KLHL1: variants seen among roughly 807,000 people sequenced by gnomAD.
KLHL1 encodes the protein kelch-like protein 1.
A neutral mutation model predicts 77.7 loss-of-function variants in KLHL1; 47 were observed. The observed-to-expected ratio is 0.60, with a 90% CI of 0.48 to 0.77. The LOEUF (loss-of-function observed/expected upper bound fraction) is 0.77, where lower values mean the gene tolerates loss of function less well. Among genes scored for constraint, KLHL1 ranks in the 30% least tolerant of loss-of-function variants. The pLI is 0.00. For synonymous variants in KLHL1, 360 were observed against 325.2 expected, an observed-to-expected ratio of 1.11 and a Z score of -1.15; for missense variants, 925 against 910.8, an observed-to-expected ratio of 1.02 and a Z score of -0.20.
intron 7 of KLHL1, among the ~76,000 whole-genome samples, chr13:69,774,486 C>G (rs1593816226): frequency 6.6e-6 from 1 of 151,930 alleles, no homozygotes; most frequent in Non-Finnish European, 1.5e-5. Context: ...GCCATATCCT[C>G]TCTCTCTTCT....
chr13:69,813,910 T>C (rs941755142), intron 6 of KLHL1, among the ~76,000 whole-genome samples: 1 of 152,158 alleles, frequency 6.6e-6, no homozygotes, highest in Non-Finnish European at 1.5e-5. Flanking sequence ...AAAATTCATA[T>C]GGAACCAAAA....
chr13:69,782,994 G>T (rs1053041801), intron 7 of KLHL1, among the ~76,000 whole-genome samples: 5 of 152,190 alleles, frequency 3.3e-5, no homozygotes, highest in Admixed American at 6.5e-5. Flanking sequence ...AGCAGCATTT[G>T]CGGTTCACCA....
At chr13:69,883,759 A>G (rs1328953844) in intron 4 of KLHL1, among the ~76,000 whole-genome samples, 1 of 152,230 alleles carries the variant, frequency 6.6e-6, no homozygotes, top group East Asian at 1.9e-4. Flanking sequence ...TTTTAACAAC[A>G]TATTTTAAAA....
chr13:70,055,793 C>T (rs1180056512), intron 1 of KLHL1, among the ~76,000 whole-genome samples: 1 of 151,404 alleles, frequency 6.6e-6, no homozygotes, highest in African/African-American at 2.4e-5. Flanking sequence ...ACATTGTAAC[C>T]TCAAATAAAA....
chr13:69,851,879 T>C (rs1237979711), intron 5 of KLHL1, among the ~76,000 whole-genome samples: 1 of 151,880 alleles, frequency 6.6e-6, no homozygotes, highest in Non-Finnish European at 1.5e-5. Flanking sequence ...CTACTAGTAG[T>C]CAGATAGTTT....
intron 1 of KLHL1, among the ~76,000 whole-genome samples, chr13:70,027,665 T>TTTTTTTTTTTTTTTTTTTTTTA (rs57773730): frequency 6.6e-6 from 1 of 151,052 alleles, no homozygotes. Flanking sequence ...TTTTTTTTTT[T>TTTTTTTTTTTTTTTTTTTTTTA]ATGAACTGAA....
intron 1 of KLHL1, among the ~76,000 whole-genome samples, chr13:70,009,878 A>T (rs1005392488): frequency 3.9e-5 from 6 of 152,194 alleles, no homozygotes; most frequent in Admixed American, 2.6e-4. Context: ...GTCAGAAAAA[A>T]AACCAAGTTG....
intron 5 of KLHL1, among the ~76,000 whole-genome samples, chr13:69,858,432 G>T (rs960214018): frequency 5.3e-5 from 8 of 152,064 alleles, no homozygotes; most frequent in African/African-American, 1.9e-4. Context: ...ACAAATGCAA[G>T]CTTGAAAACA....
chr13:70,034,708 T>A lies in KLHL1; in HGVS notation c.498-58906A>T, dbSNP rs147150335. Among the ~76,000 whole-genome samples the A allele has an allele frequency of 7.9e-3, 1,199 of 152,282 alleles. 13 individuals are homozygous for A. The highest frequency in any genetic ancestry group is 0.014 in the South Asian group (67 of 4,828). On this transcript the variant is annotated intron_variant, in intron 1 of 10. Coordinates refer to ENST00000377844, the MANE Select transcript of KLHL1 (RefSeq NM_020866.3). The stretch of plus-strand genomic sequence containing the variant: ...TGTGTATTTTGAGGAAGAGGGAAAG[T>A]CGCAATCATTTAGGAAATTATACAC...
chr13:70,053,650 A>G (rs936600127), intron 1 of KLHL1, among the ~76,000 whole-genome samples: 7 of 152,156 alleles, frequency 4.6e-5, no homozygotes, highest in Non-Finnish European at 1.0e-4. Context: ...AGGAGACTCA[A>G]TAAATTATCT....
At chr13:69,966,688 G>A (rs1254202537) in intron 2 of KLHL1, among the ~76,000 whole-genome samples, 1 of 152,002 alleles carries the variant, frequency 6.6e-6, no homozygotes, top group East Asian at 1.9e-4. Context: ...GTCAATACAG[G>A]GTTTTTAGGG....
At chr13:70,068,858 G>T (rs772405912) in intron 1 of KLHL1, among the ~76,000 whole-genome samples, 5 of 152,208 alleles carry the variant, frequency 3.3e-5, no homozygotes, top group South Asian at 2.1e-4. Context: ...GTCTCGTCGT[G>T]GGGGAGGAGG....
At chr13:69,893,147 C>G (rs2138212216) in intron 4 of KLHL1, among the ~76,000 whole-genome samples, 1 of 151,464 alleles carries the variant, frequency 6.6e-6, no homozygotes, top group East Asian at 1.9e-4. Flanking sequence ...CCAACAAAAC[C>G]CTAAAATGGA....
rs144482558 is a variant in KLHL1, at chr13:70,007,560, C to T, written c.498-31758G>A. Among the ~76,000 whole-genome samples the T allele has an allele frequency of 2.2e-3, 329 of 151,824 alleles. 1 individual carries two copies. Among genetic ancestry groups the T allele is most frequent in the African/African-American group, 7.3e-3 (304 of 41,454 alleles). On this transcript the variant is annotated intron_variant, in intron 1 of 10. Coordinates refer to ENST00000377844, the MANE Select transcript of KLHL1 (RefSeq NM_020866.3). ...TAGCCTAGAATAGATAATACTGAGACTTGAAGAGTTAGCTATACTTTTAAA... is the reference window on the plus strand; with the variant it reads ...TAGCCTAGAATAGATAATACTGAGATTTGAAGAGTTAGCTATACTTTTAAA...
At chr13:69,923,344 A>G (rs1882705378) in intron 4 of KLHL1, among the ~76,000 whole-genome samples, 1 of 152,192 alleles carries the variant, frequency 6.6e-6, no homozygotes, top group South Asian at 2.1e-4. Flanking sequence ...GGGTGACTCT[A>G]TGCTGCAATG....
intron 1 of KLHL1, among the ~76,000 whole-genome samples, chr13:70,072,234 C>T (rs949275986): frequency 1.5e-4 from 23 of 151,928 alleles, no homozygotes; most frequent in Non-Finnish European, 3.4e-4. Context: ...CACAATTGAC[C>T]AAAACTCACC....
intron 7 of KLHL1, among the ~76,000 whole-genome samples, chr13:69,769,962 C>T (rs1875485516): frequency 6.6e-6 from 1 of 152,114 alleles, no homozygotes; most frequent in African/African-American, 2.4e-5. Context: ...TGGGAGTGAA[C>T]AGTGGTGACC....
intron 1 of KLHL1, among the ~76,000 whole-genome samples, chr13:70,033,336 C>G (rs959206615): frequency 4.6e-5 from 7 of 152,100 alleles, no homozygotes; most frequent in African/African-American, 1.7e-4. Flanking sequence ...GTCGCCCAGG[C>G]TGGAGGGCAG....
chr13:69,869,773 G>T (rs111439942), intron 5 of KLHL1, among the ~76,000 whole-genome samples: 1 of 152,068 alleles, frequency 6.6e-6, no homozygotes, highest in Non-Finnish European at 1.5e-5. Flanking sequence ...CCTACTTGTG[G>T]TCCCATCACA....
Sources: gnomAD v4.1 joint callset for allele counts (sites outside exome capture counted in the v4.1 genomes callset) on GRCh38, gnomAD v4.1.1 for gene constraint, MANE v1.5 for transcripts, NCBI Gene and HGNC (gene_info 2026-07-23, HGNC 2026-07-21) for gene names.